Variants in PLEK2 observed in about 807,000 individuals in gnomAD.
PLEK2 encodes the protein pleckstrin-2.
In PLEK2, 29 loss-of-function variants were observed where a neutral mutation model predicts 43.8. That is an observed-to-expected ratio of 0.66 (90% CI 0.49 to 0.90). The LOEUF is 0.90. PLEK2 is among the 40% of genes least tolerant of loss of function. The pLI, the probability that PLEK2 is intolerant of heterozygous loss-of-function variation, is 0.00. For missense variants in PLEK2, 398 were observed against 448.1 expected (o/e 0.89, Z 1.01); for synonymous variants, 162 against 173.2 (o/e 0.94, Z 0.51).
chr14:67,390,449 GA>G (rs1002162593), intron 7 of PLEK2, among the ~76,000 whole-genome samples: 9 of 152,206 alleles, frequency 5.9e-5, no homozygotes, highest in African/African-American at 2.2e-4. Context: ...GAAAGTGGGG[GA>G]TTAGGCATGG....
intron 4 of PLEK2, 129 bp from the exon 5 acceptor site, chr14:67,392,978 C>A: frequency 2.3e-6 from 2 of 871,734 alleles, no homozygotes; most frequent in Middle Eastern, 3.5e-4. Flanking sequence ...GACTGAAGGC[C>A]ACACCTGCTG....
chr14:67,390,238 C>A (rs1368485545), intron 7 of PLEK2, among the ~76,000 whole-genome samples: 1 of 151,992 alleles, frequency 6.6e-6, no homozygotes, highest in Admixed American at 6.6e-5. Context: ...TATATGGTGA[C>A]AGAAACTTTT....
chr14:67,392,572 C>A, intron 5 of PLEK2, 90 bp downstream of exon 5: 1 of 1,306,806 alleles, frequency 7.7e-7, no homozygotes, highest in South Asian at 1.3e-5. Flanking sequence ...CCAAGGTCTC[C>A]TCCCATGACT....
chr14:67,404,692 C>G lies in PLEK2; in HGVS notation c.43-6866G>C, dbSNP rs933565953. On this transcript the variant is annotated intron_variant, in intron 1 of 8. Coordinates refer to ENST00000216446, the MANE Select transcript of PLEK2 (RefSeq NM_016445.3). The stretch of plus-strand genomic sequence containing the variant: ...AGGTGTGGTGACATGCACCTGTGGT[C>G]CCAGCCACTCAGGAGGCTGAGGTGG... 4.6e-5 allele frequency among the ~76,000 whole-genome samples: 7 copies of G among 151,848 alleles called. No individual in the cohort carries two copies. In the East Asian group the frequency reaches 1.4e-3, roughly 30 times the overall value.
At chr14:67,395,611 A>G in intron 2 of PLEK2, 28 bp from the exon 3 acceptor site, 1 of 1,609,972 alleles carries the variant, frequency 6.2e-7, no homozygotes, top group Non-Finnish European at 8.5e-7. Flanking sequence ...CAGTCAGGCC[A>G]GCACTCAGGC....
Position 67,388,284 on chromosome 14 carries a change from C to A in PLEK2, c.874G>T (p.Gly292Cys). ...AGTGAACCACGAAGAGAAAACCCAC[C>A]CACTGGCCTGTTCTCTTCCTGTAGA... ...DPSKEENRPV[G>C]GFSLRGSLVS... Residue 292 changes from glycine (G) to cysteine (C), a missense_variant, in exon 8 of 9, where the codon GGT (glycine) becomes TGT (cysteine). Gly to Cys is a radical substitution (Grantham distance 159). Transcript: ENST00000216446. 6.2e-7 allele frequency: 1 copy of A among 1,612,224 alleles called. No individual in the cohort carries two copies. The highest frequency in any genetic ancestry group is 8.5e-7 in the Non-Finnish European group (1 of 1,178,298).
At chr14:67,409,437 C>A (rs2086102267) in intron 1 of PLEK2, among the ~76,000 whole-genome samples, 1 of 152,098 alleles carries the variant, frequency 6.6e-6, no homozygotes, top group Non-Finnish European at 1.5e-5. Context: ...CAGAGCTTTA[C>A]AAAAAAGGAT....
rs777539533 is a variant in PLEK2 at position 67,397,648 on chromosome 14, G to A, written c.207+14C>T. 9.4e-6 allele frequency: 15 copies of A among 1,602,816 alleles called. No homozygotes were observed. The South Asian group carries it at 1.6e-4, about 17-fold the overall frequency. ...GGAACAGAGAGGAGCTGGACAGCAGGGGCCATCACTTACCGGTCGGTTTTC... is the reference window on the plus strand; with the variant it reads ...GGAACAGAGAGGAGCTGGACAGCAGAGGCCATCACTTACCGGTCGGTTTTC... On this transcript the variant is annotated intron_variant, in intron 2 of 8. Coordinates refer to ENST00000216446, the MANE Select transcript of PLEK2 (RefSeq NM_016445.3).
chr14:67,406,517 A>C (rs1952270391), intron 1 of PLEK2, among the ~76,000 whole-genome samples: 1 of 152,092 alleles, frequency 6.6e-6, no homozygotes. Context: ...TGGGCTCCAT[A>C]GGGGAGGTGA....
Position 67,387,222 on chromosome 14 carries a change from GT to G in PLEK2, c.*106del, listed in dbSNP as rs2085931796. On this transcript the variant is annotated 3_prime_UTR_variant, in exon 9 of 9. Coordinates refer to ENST00000216446, the MANE Select transcript of PLEK2 (RefSeq NM_016445.3). ...TTGGCAGCATTCACTCTCCAAAGCA[GT>G]ACAAAACTTACAAAGAAGTCAAAAG... is the stretch of plus-strand genomic sequence containing the variant. The G allele has an allele frequency of 1.8e-6, 2 of 1,089,868 alleles. No homozygotes were observed. Among genetic ancestry groups the G allele is most frequent in the Non-Finnish European group, 2.6e-6 (2 of 762,698 alleles). 67.5% of individuals were successfully genotyped at this position (1,089,868 alleles called of 1,614,324 possible).
chr14:67,405,750 C>T (rs2086074262), intron 1 of PLEK2, among the ~76,000 whole-genome samples: 1 of 152,166 alleles, frequency 6.6e-6, no homozygotes, highest in Non-Finnish European at 1.5e-5. Flanking sequence ...AGCTAGCTGC[C>T]ATATCCTAAG....
intron 1 of PLEK2, among the ~76,000 whole-genome samples, chr14:67,399,268 C>G (rs1007596095): frequency 1.3e-4 from 14 of 103,884 alleles, no homozygotes; most frequent in African/African-American, 4.9e-4. Context: ...AGAGAAGGGT[C>G]GTTTAGGTGG....
chr14:67,391,271 ATGTGTG>A lies in PLEK2; in HGVS notation c.772-531_772-526del, dbSNP rs61156733. 4.5e-3 allele frequency among the ~76,000 whole-genome samples: 641 copies of A among 143,912 alleles called. 6 individuals carry two copies. The highest frequency in any genetic ancestry group is 0.015 in the African/African-American group (568 of 38,574). 94.4% of individuals were successfully genotyped at this position (143,912 alleles called of 152,430 possible). A position where few individuals can be genotyped will look rare whatever the true frequency, so the allele number is the denominator to read the frequency against. On this transcript the variant is annotated intron_variant, in intron 6 of 8. Coordinates refer to ENST00000216446, the MANE Select transcript of PLEK2 (RefSeq NM_016445.3). ...AAATCTAAATGTGTAAGCAGCTGAT[ATGTGTG>A]TGTGTGTGTGTGTGTGTGTGTGTGT...
chr14:67,392,778 A>G lies in PLEK2; in HGVS notation c.553T>C (p.Ser185Pro). 1 of 1,614,030 alleles carries G rather than the reference A, an allele frequency of 6.2e-7. No individual in the cohort carries two copies. Among genetic ancestry groups the G allele is most frequent in the South Asian group, 1.1e-5 (1 of 91,062 alleles). ...AGGAAGTTCTCCTCCATGAGCATGG[A>G]GGCCAGGGTCACCGCCTCCAGACGG... ...ASRLEAVTLA[S>P]MLMEENFLRP... is the part of the protein sequence containing the mutation. Residue 185 changes from serine (S) to proline (P), a missense_variant, in exon 5 of 9, where the codon TCC becomes CCC. Physicochemically the swap from Ser to Pro is moderately conservative, Grantham distance 74. Coordinates refer to ENST00000216446, the MANE Select transcript of PLEK2 (RefSeq NM_016445.3).
chr14:67,402,864 C>G (rs565544180), intron 1 of PLEK2, among the ~76,000 whole-genome samples: 2 of 152,304 alleles, frequency 1.3e-5, no homozygotes, highest in East Asian at 3.9e-4. Flanking sequence ...CTATTGTAAA[C>G]AGTGCTGCAA....
intron 7 of PLEK2, among the ~76,000 whole-genome samples, 173 bp from the exon 8 acceptor site, chr14:67,388,475 T>C (rs2085943451): frequency 6.6e-6 from 1 of 152,190 alleles, no homozygotes; most frequent in South Asian, 2.1e-4. Flanking sequence ...TAAGGAAGCT[T>C]GGGCCTCTTC....
At chr14:67,406,643 T>C (rs778142602) in intron 1 of PLEK2, among the ~76,000 whole-genome samples, 7 of 152,160 alleles carry the variant, frequency 4.6e-5, no homozygotes, top group Non-Finnish European at 7.3e-5. Context: ...ATGTTAAACC[T>C]ATCACTCCGA....
In PLEK2 at chr14:67,398,443, C is replaced by T. The variant is rs2086026097; in HGVS notation, c.43-617G>A. ...CACCTGACTATTCTGCCCATTGGCT[C>T]TACCACCCACCTGAGAGCCACCTAA... is the stretch of plus-strand genomic sequence containing the variant. On this transcript the variant is annotated intron_variant, in intron 1 of 8. Coordinates refer to ENST00000216446, the MANE Select transcript of PLEK2 (RefSeq NM_016445.3). 2.0e-5 allele frequency among the ~76,000 whole-genome samples: 3 copies of T among 152,308 alleles called. No homozygotes were observed. In the South Asian group the frequency reaches 6.2e-4, roughly 32 times the overall value.
intron 1 of PLEK2, 43 bp from the exon 2 acceptor site, chr14:67,397,869 G>C: frequency 6.5e-7 from 1 of 1,546,074 alleles, no homozygotes; most frequent in South Asian, 1.2e-5. Flanking sequence ...CGGTCAGTGG[G>C]AGGGTATGGT....
Sources: allele counts gnomAD v4.1 joint callset (sites outside exome capture counted in the v4.1 genomes callset), GRCh38; gene constraint gnomAD v4.1.1; transcripts MANE v1.5; gene names NCBI Gene and HGNC (gene_info 2026-07-23, HGNC 2026-07-21).